ROR1: variants seen among roughly 807,000 people sequenced by gnomAD.
ROR1 encodes the protein inactive tyrosine-protein kinase transmembrane receptor ROR1.
ROR1 carries 19 observed loss-of-function variants against 78.8 expected under a neutral mutation model. That is an observed-to-expected ratio of 0.24 (90% CI 0.17 to 0.35). The LOEUF (loss-of-function observed/expected upper bound fraction) is 0.35. ROR1 is among the 10% of genes least tolerant of loss of function. The pLI is 1.00. For synonymous variants in ROR1, 386 were observed against 433.6 expected, an observed-to-expected ratio of 0.89 and a Z score of 1.36; for missense variants, 917 against 1,177.8, an observed-to-expected ratio of 0.78 and a Z score of 3.24.
At chr1:63,927,793 AG>A (rs1645717591) in intron 1 of ROR1, among the ~76,000 whole-genome samples, 1 of 152,176 alleles carries the variant, frequency 6.6e-6, no homozygotes, top group East Asian at 1.9e-4. Context: ...TTTAAGTTTC[AG>A]GACATTCCAT....
intron 4 of ROR1, among the ~76,000 whole-genome samples, chr1:64,104,268 G>C (rs773476183): frequency 1.3e-5 from 2 of 152,076 alleles, no homozygotes; most frequent in African/African-American, 2.4e-5. Context: ...CCACACCCTA[G>C]GTGCTGTGGG....
Position 64,177,544 on chromosome 1 carries a change from G to A in ROR1, c.1503G>A (p.Gln501=), listed in dbSNP as rs374889434. The A allele has an allele frequency of 8.0e-5, 129 of 1,614,026 alleles. No homozygotes were observed. Among genetic ancestry groups the A allele is most frequent in the Middle Eastern group, 3.3e-4 (2 of 6,084 alleles). ...ATCTCCCAGGCATGGACCATGCTCA[G>A]CTGGTTGCTATCAAGACCTTGAAAG... The part of the protein sequence containing the change: ...HLYLPGMDHA[Q]LVAIKTLKDY... Residue 501 remains glutamine, a synonymous_variant, in exon 9 of 9, where the codon CAG becomes CAA. Coordinates refer to ENST00000371079, the MANE Select transcript of ROR1 (RefSeq NM_005012.4).
intron 1 of ROR1, among the ~76,000 whole-genome samples, chr1:63,849,765 C>G (rs1645102475): frequency 6.6e-6 from 1 of 152,158 alleles, no homozygotes; most frequent in African/African-American, 2.4e-5. Context: ...CCTACCATCT[C>G]AGATTCCTGG....
intron 1 of ROR1, among the ~76,000 whole-genome samples, chr1:63,925,601 A>G (rs1645695839): frequency 6.6e-6 from 1 of 151,992 alleles, no homozygotes; most frequent in South Asian, 2.1e-4. Flanking sequence ...TGACTTCCAC[A>G]ATGGTTGAAC....
At chr1:64,111,580 T>C (rs1451064530) in intron 4 of ROR1, among the ~76,000 whole-genome samples, 1 of 152,190 alleles carries the variant, frequency 6.6e-6, no homozygotes, top group Non-Finnish European at 1.5e-5. Context: ...CCAGTGATGT[T>C]TGCTGCCTTG....
At chr1:63,777,234 G>A (rs1032076548) in intron 1 of ROR1, among the ~76,000 whole-genome samples, 6 of 152,136 alleles carry the variant, frequency 3.9e-5, no homozygotes, top group African/African-American at 1.4e-4. Flanking sequence ...TTTGGCTGCT[G>A]GGAGCCAGAG....
At chr1:64,023,060 G>C (rs1373151597) in intron 2 of ROR1, among the ~76,000 whole-genome samples, 1 of 152,168 alleles carries the variant, frequency 6.6e-6, no homozygotes, top group Non-Finnish European at 1.5e-5. Flanking sequence ...CTTTCTACTG[G>C]TGACAGGCAT....
At chr1:63,815,478 C>CTTTTTT (rs1446331528) in intron 1 of ROR1, among the ~76,000 whole-genome samples, 33 of 103,448 alleles carry the variant, frequency 3.2e-4, no homozygotes, top group South Asian at 2.4e-3. Flanking sequence ...CTTTTCTTTT[C>CTTTTTT]TTTTTCTTTT....
At chr1:63,898,727 G>A (rs569141590) in intron 1 of ROR1, among the ~76,000 whole-genome samples, 2 of 151,996 alleles carry the variant, frequency 1.3e-5, no homozygotes, top group South Asian at 2.1e-4. Context: ...GAGAGAGAAC[G>A]AGAACACAGG....
intron 1 of ROR1, among the ~76,000 whole-genome samples, chr1:63,972,281 CT>C (rs1232811824): frequency 6.6e-6 from 1 of 152,154 alleles, no homozygotes; most frequent in South Asian, 2.1e-4. Context: ...TTCATCCTCA[CT>C]TTTCCGATGA....
At chr1:63,853,676 T>G (rs148542604) in intron 1 of ROR1, among the ~76,000 whole-genome samples, 1 of 152,178 alleles carries the variant, frequency 6.6e-6, no homozygotes, top group Non-Finnish European at 1.5e-5. Flanking sequence ...GTCTGTAAAT[T>G]GAACATTAAA....
chr1:63,807,818 G>C (rs1282998782), intron 1 of ROR1, among the ~76,000 whole-genome samples: 1 of 152,136 alleles, frequency 6.6e-6, no homozygotes, highest in African/African-American at 2.4e-5. Flanking sequence ...GGAGGGATCT[G>C]TGCTGGTCTC....
chr1:63,930,414 C>G (rs564397008), intron 1 of ROR1, among the ~76,000 whole-genome samples: 1 of 152,308 alleles, frequency 6.6e-6, no homozygotes, highest in South Asian at 2.1e-4. Context: ...CATCGTAAAT[C>G]TCTTTTCTTT....
chr1:63,976,053 C>T (rs1366418101), intron 1 of ROR1, among the ~76,000 whole-genome samples: 1 of 152,152 alleles, frequency 6.6e-6, no homozygotes, highest in Non-Finnish European at 1.5e-5. Flanking sequence ...AGAGCTTTTG[C>T]CCTCAAGGAA....
At chr1:63,961,164 A>T (rs1217790530) in intron 1 of ROR1, among the ~76,000 whole-genome samples, 2 of 151,120 alleles carry the variant, frequency 1.3e-5, no homozygotes, top group Non-Finnish European at 2.9e-5. Context: ...CTTTAATATT[A>T]TAAGGTCTGG....
At chr1:64,028,027 AGGAAAACAATGT>A (rs1430320796) in intron 2 of ROR1, among the ~76,000 whole-genome samples, 1 of 152,184 alleles carries the variant, frequency 6.6e-6, no homozygotes, top group Non-Finnish European at 1.5e-5. Flanking sequence ...GGCTGTTGGC[AGGAAAACAATGT>A]AGACAGAGCC....
chr1:63,793,975 G>C (rs1644742805), intron 1 of ROR1, among the ~76,000 whole-genome samples: 1 of 152,196 alleles, frequency 6.6e-6, no homozygotes, highest in South Asian at 2.1e-4. Context: ...TGTGCACCTA[G>C]GATTAGATAG....
At chr1:63,947,410 T>C (rs1645899043) in intron 1 of ROR1, among the ~76,000 whole-genome samples, 1 of 152,164 alleles carries the variant, frequency 6.6e-6, no homozygotes, top group African/African-American at 2.4e-5. Context: ...CAGGAAGAAA[T>C]TGCATCTAAT....
intron 1 of ROR1, among the ~76,000 whole-genome samples, chr1:63,927,772 A>T (rs992341013): frequency 1.3e-5 from 2 of 152,158 alleles, no homozygotes; most frequent in Non-Finnish European, 2.9e-5. Context: ...CTCCATTGCA[A>T]TCATGAGGAA....
Sources: allele counts gnomAD v4.1 joint callset (sites outside exome capture counted in the v4.1 genomes callset), GRCh38; gene constraint gnomAD v4.1.1; transcripts MANE v1.5; gene names NCBI Gene and HGNC (gene_info 2026-07-23, HGNC 2026-07-21).